SLC24A2: variants seen among roughly 807,000 people sequenced by gnomAD.
The protein encoded by SLC24A2 is sodium/potassium/calcium exchanger 2.
A neutral mutation model predicts 62.0 loss-of-function variants in SLC24A2; 36 were observed. The observed-to-expected ratio is 0.58, with a 90% CI of 0.44 to 0.77. The LOEUF is 0.77. SLC24A2 is among the 30% of genes least tolerant of loss of function. The pLI is 0.00. For missense variants in SLC24A2, 846 were observed against 817.9 expected (o/e 1.03, Z -0.42); for synonymous variants, 358 against 294.0 (o/e 1.22, Z -2.23).
the SLC24A2 span, among the ~76,000 whole-genome samples, chr9:20,011,480 G>C: frequency 3.3e-5 from 5 of 152,044 alleles, no homozygotes; most frequent in Non-Finnish European, 7.4e-5. Context: ...GAGGGTATTC[G>C]AACACAGGAC....
At chr9:19,876,923 A>T in the SLC24A2 span, among the ~76,000 whole-genome samples, 1 of 152,076 alleles carries the variant, frequency 6.6e-6, no homozygotes, top group African/African-American at 2.4e-5. Flanking sequence ...TTCATTTTTG[A>T]GAAGGACTAT....
At chr9:19,527,990 A>T (rs964975206) in intron 9 of SLC24A2, 59 bp downstream of exon 9, 5 of 1,049,816 alleles carry the variant, frequency 4.8e-6, no homozygotes, top group Non-Finnish European at 7.3e-6. Context: ...ATGATTAAAC[A>T]CTTGACAATC....
At chr9:19,561,624 T>TG in intron 7 of SLC24A2, among the ~76,000 whole-genome samples, 1 of 151,936 alleles carries the variant, frequency 6.6e-6, no homozygotes, top group Middle Eastern at 3.4e-3. Flanking sequence ...TTAGTAGAGA[T>TG]GGGATTTCAC....
chr9:20,069,692 G>A, the SLC24A2 span, among the ~76,000 whole-genome samples: 15,746 of 152,212 alleles, frequency 0.1, 851 homozygotes, highest in East Asian at 0.17. Flanking sequence ...GTTGCCTTAT[G>A]ATCTTCTTTT....
chr9:19,637,276 G>T (rs540463025), intron 2 of SLC24A2, among the ~76,000 whole-genome samples: 11 of 152,346 alleles, frequency 7.2e-5, no homozygotes, highest in Admixed American at 5.9e-4. Context: ...CACTGCAGAT[G>T]GTCCAACTCT....
intron 2 of SLC24A2, among the ~76,000 whole-genome samples, chr9:19,706,801 C>T (rs1394504765): frequency 1.3e-5 from 2 of 152,052 alleles, no homozygotes; most frequent in South Asian, 2.1e-4. Context: ...CAAGAGAAAG[C>T]AGGAAAGATC....
At chr9:19,663,393 T>C (rs1026807705) in intron 2 of SLC24A2, among the ~76,000 whole-genome samples, 1 of 152,152 alleles carries the variant, frequency 6.6e-6, no homozygotes, top group Non-Finnish European at 1.5e-5. Context: ...TCTATACAGA[T>C]CATGGGAGAG....
At position 19,520,902 on chromosome 9, in the gene SLC24A2, G is replaced by A. The variant is rs1474502458; in HGVS notation, c.1728C>T (p.Ile576=). Reference sequence around the variant, plus strand: ...GAACTACCTCTACTCACCCTACAGTGATGTCAAAAATGTTGCTTCCAACAG... The same window carrying A: ...GAACTACCTCTACTCACCCTACAGTAATGTCAAAAATGTTGCTTCCAACAG... ...SSSVGSNIFD[I]TVGLPLPWLL... The change falls in exon 10 of 11, where the codon ATC becomes ATT. Residue 576 remains isoleucine (I), a synonymous_variant. Coordinates refer to ENST00000341998, the MANE Select transcript of SLC24A2 (RefSeq NM_020344.4). 1.9e-6 allele frequency: 3 copies of A among 1,613,882 alleles called. No individual in the cohort carries two copies.
chr9:20,175,183 A>G, the SLC24A2 span, among the ~76,000 whole-genome samples: 2 of 151,916 alleles, frequency 1.3e-5, no homozygotes, highest in African/African-American at 4.8e-5. Context: ...GAGCTAAGCT[A>G]TGAGGATGTG....
the SLC24A2 span, among the ~76,000 whole-genome samples, chr9:20,047,619 G>GTT: frequency 7.1e-6 from 1 of 140,912 alleles, no homozygotes; most frequent in Non-Finnish European, 1.6e-5. Context: ...AATCTTCACT[G>GTT]TGTCTGGTGA....
At chr9:19,955,155 T>C in the SLC24A2 span, among the ~76,000 whole-genome samples, 1 of 152,166 alleles carries the variant, frequency 6.6e-6, no homozygotes, top group Non-Finnish European at 1.5e-5. Context: ...CATAGTTTAA[T>C]TGGATTAGGT....
rs1054427400 is a variant in SLC24A2 at position 19,514,680 on chromosome 9, G to A, written c.*1473C>T. ...AGTGAATAGCTTGAAACCAGTATAAGGAAGCTGTCAAATACCGTGTACTCT... is the reference window on the plus strand; with the variant it reads ...AGTGAATAGCTTGAAACCAGTATAAAGAAGCTGTCAAATACCGTGTACTCT... On this transcript the variant is annotated 3_prime_UTR_variant, in exon 11 of 11. Transcript: ENST00000341998. 5.3e-5 allele frequency: 8 copies of A among 152,122 alleles called. No individual in the cohort carries two copies. Among genetic ancestry groups the A allele is most frequent in the Non-Finnish European group, 7.3e-5 (5 of 68,028 alleles). The allele number at this position is 152,122 out of a possible 1,614,324, so 9.4% of individuals were successfully genotyped here.
At chr9:20,008,857 T>C in the SLC24A2 span, among the ~76,000 whole-genome samples, 4 of 152,102 alleles carry the variant, frequency 2.6e-5, no homozygotes, top group African/African-American at 4.8e-5. Flanking sequence ...GAGAGTGATG[T>C]TGGCAAGACG....
At chr9:20,045,311 CA>C in the SLC24A2 span, among the ~76,000 whole-genome samples, 4 of 152,114 alleles carry the variant, frequency 2.6e-5, no homozygotes, top group Non-Finnish European at 5.9e-5. Flanking sequence ...GTGTACAAAG[CA>C]GCTGATCTAC....
chr9:19,514,508 T>C lies in SLC24A2; in HGVS notation c.*1645A>G. On this transcript the variant is annotated 3_prime_UTR_variant, in exon 11 of 11. Coordinates refer to ENST00000341998, the MANE Select transcript of SLC24A2 (RefSeq NM_020344.4). ...TAGTTTTCCATTGATTCAGTTTGCC[T>C]ATTTTTTCCCCCTTGCTGGCTTTAT... 6.6e-6 allele frequency: 1 copy of C among 152,210 alleles called. No homozygotes were observed. Among genetic ancestry groups the C allele is most frequent in the East Asian group, 1.9e-4 (1 of 5,196 alleles). 9.4% of individuals were successfully genotyped at this position (152,210 alleles called of 1,614,324 possible).
At chr9:20,177,525 C>G in the SLC24A2 span, among the ~76,000 whole-genome samples, 1 of 152,000 alleles carries the variant, frequency 6.6e-6, no homozygotes, top group Non-Finnish European at 1.5e-5. Context: ...GTGTTGACCC[C>G]GTTAGATGAT....
the SLC24A2 span, among the ~76,000 whole-genome samples, chr9:20,201,941 T>C: frequency 2.0e-5 from 3 of 151,186 alleles, no homozygotes; most frequent in African/African-American, 4.9e-5. Context: ...GTAAGAAAAA[T>C]AGAGAGGGAA....
chr9:20,222,579 A>T, the SLC24A2 span, among the ~76,000 whole-genome samples: 1 of 152,106 alleles, frequency 6.6e-6, no homozygotes, highest in African/African-American at 2.4e-5. Flanking sequence ...ATATATTTAC[A>T]AACAGACGCA....
chr9:19,608,326 T>C (rs540860738), intron 4 of SLC24A2, among the ~76,000 whole-genome samples: 1 of 152,280 alleles, frequency 6.6e-6, no homozygotes, highest in Non-Finnish European at 1.5e-5. Flanking sequence ...GCTTTTTTTT[T>C]TTTTAAATAG....
Sources: allele counts gnomAD v4.1 joint callset (sites outside exome capture counted in the v4.1 genomes callset), GRCh38; gene constraint gnomAD v4.1.1; transcripts MANE v1.5; gene names NCBI Gene and HGNC (gene_info 2026-07-23, HGNC 2026-07-21).